The following SLC7A2 variants were observed in gnomAD, a reference collection of about 807,000 sequenced individuals.
SLC7A2 encodes the protein solute carrier family 7 member 2.
A neutral mutation model predicts 58.9 loss-of-function variants in SLC7A2; 48 were observed. The observed-to-expected ratio is 0.82, with a 90% CI of 0.65 to 1.04. SLC7A2 has a LOEUF of 1.04. Ranked by LOEUF, SLC7A2 falls within the 50% of genes least tolerant of loss-of-function variation. SLC7A2 has a pLI of 0.00. For synonymous variants in SLC7A2, 363 were observed against 314.5 expected (o/e 1.15, Z -1.63); for missense variants, 1,029 against 818.8 (o/e 1.26, Z -3.13).
intron 2 of SLC7A2, among the ~76,000 whole-genome samples, chr8:17,534,364 C>G (rs2517248): frequency 0.071 from 10,779 of 152,122 alleles, 506 homozygotes; most frequent in East Asian, 0.26. Context: ...AAGTGATTAC[C>G]CTTTTGTAAG....
At chr8:17,557,684 C>A (rs1802771950) in intron 8 of SLC7A2, among the ~76,000 whole-genome samples, 1 of 138,180 alleles carries the variant, frequency 7.2e-6, no homozygotes, top group African/African-American at 3.5e-5. Flanking sequence ...AAAAATTAGC[C>A]AGGTGTGGTG....
Position 17,548,676 on chromosome 8 carries a change from A to C in SLC7A2, c.533-2A>C. On this transcript the variant is annotated splice_acceptor_variant, in intron 4 of 12. Transcript: ENST00000494857. LOFTEE classifies it high-confidence loss of function. ...AAAAATTGAAATGCCCTTTTTCCAT[A>C]GGTCTTTTGTCTTTTGGAGTAAAAG... 1 of 1,588,388 alleles carries C rather than the reference A, an allele frequency of 6.3e-7. No homozygotes were observed. The highest frequency in any genetic ancestry group is 8.5e-7 in the Non-Finnish European group (1 of 1,170,590).
intron 2 of SLC7A2, among the ~76,000 whole-genome samples, chr8:17,528,852 C>A (rs960503822): frequency 1.3e-5 from 2 of 152,074 alleles, no homozygotes; most frequent in African/African-American, 2.4e-5. Flanking sequence ...AGGAGGAGAG[C>A]TCCATGAAAT....
chr8:17,554,654 A>G lies in SLC7A2; in HGVS notation c.1150A>G (p.Thr384Ala), dbSNP rs760690428. Residue 384 changes from threonine (T) to alanine (A), a missense_variant, in exon 8 of 13, where the codon ACG (threonine) becomes GCG (alanine). Physicochemically the swap from Thr to Ala is moderately conservative, Grantham distance 58 (BLOSUM62 0). Transcript: ENST00000494857. The stretch of plus-strand genomic sequence containing the variant: ...ATGTCTAGCTCAAATCAATTCCAAA[A>G]CGAAGACACCAATAATTGCTACTTT... The part of the protein sequence containing the change: ...FKCLAQINSK[T>A]KTPIIATLSS... 4 of 1,613,438 alleles carry G rather than the reference A, an allele frequency of 2.5e-6. No homozygotes were observed. Among genetic ancestry groups the G allele is most frequent in the Non-Finnish European group, 3.4e-6 (4 of 1,179,900 alleles).
intron 8 of SLC7A2, among the ~76,000 whole-genome samples, chr8:17,555,691 A>G (rs994505749): frequency 6.6e-6 from 1 of 152,144 alleles, no homozygotes; most frequent in South Asian, 2.1e-4. Flanking sequence ...CAACTCCATC[A>G]GGAATCTATT....
At chr8:17,542,732 C>T (rs991076233) in intron 2 of SLC7A2, among the ~76,000 whole-genome samples, 4 of 152,078 alleles carry the variant, frequency 2.6e-5, no homozygotes, top group Non-Finnish European at 5.9e-5. Flanking sequence ...GCAATTCACT[C>T]CTTTCCTTGT....
chr8:17,545,309 T>C (rs994832418), intron 4 of SLC7A2, among the ~76,000 whole-genome samples: 1 of 152,072 alleles, frequency 6.6e-6, no homozygotes, highest in Non-Finnish European at 1.5e-5. Flanking sequence ...GTTTGGTTCC[T>C]AGTAAGCACT....
chr8:17,534,324 G>T (rs1448546004), intron 2 of SLC7A2, among the ~76,000 whole-genome samples: 1 of 152,128 alleles, frequency 6.6e-6, no homozygotes, highest in Non-Finnish European at 1.5e-5. Context: ...AACAACAGTT[G>T]TGGTCATCTT....
At chr8:17,548,361 G>T (rs200185539) in intron 4 of SLC7A2, among the ~76,000 whole-genome samples, 2 of 152,214 alleles carry the variant, frequency 1.3e-5, no homozygotes, top group East Asian at 3.9e-4. Context: ...AAAATAGTTT[G>T]CAACCATTTA....
chr8:17,510,541 G>T (rs1053493540), intron 2 of SLC7A2: 64 of 152,198 alleles, frequency 4.2e-4, no homozygotes, highest in African/African-American at 1.5e-3. Flanking sequence ...GGTGTGATAT[G>T]GTATCTCATT....
At chr8:17,524,075 A>C (rs925051528) in intron 2 of SLC7A2, among the ~76,000 whole-genome samples, 3 of 152,340 alleles carry the variant, frequency 2.0e-5, no homozygotes, top group Admixed American at 1.3e-4. Flanking sequence ...CTCCTGCAAG[A>C]ATGGCCATAA....
intron 9 of SLC7A2, 79 bp from the exon 10 acceptor site, chr8:17,560,249 C>A: frequency 2.9e-6 from 3 of 1,022,874 alleles, no homozygotes; most frequent in Admixed American, 1.8e-5. Context: ...TGATGTCTTA[C>A]TTAAGGTTTT....
chr8:17,542,940 C>A (rs139059640), intron 2 of SLC7A2, among the ~76,000 whole-genome samples: 1 of 151,844 alleles, frequency 6.6e-6, no homozygotes, highest in Non-Finnish European at 1.5e-5. Flanking sequence ...CCAGCCTGGG[C>A]GACAGAGTGA....
chr8:17,547,777 C>T (rs1341141656), intron 4 of SLC7A2, among the ~76,000 whole-genome samples: 1 of 118,836 alleles, frequency 8.4e-6, no homozygotes, highest in African/African-American at 3.0e-5. Context: ...TATTTACTGG[C>T]ACAAAAGAGT....
chr8:17,534,928 T>C (rs1801601374), intron 2 of SLC7A2, among the ~76,000 whole-genome samples: 1 of 152,162 alleles, frequency 6.6e-6, no homozygotes, highest in Non-Finnish European at 1.5e-5. Flanking sequence ...CTAAGCTCTG[T>C]TGTCCACCTG....
chr8:17,530,937 G>C (rs2705083), intron 2 of SLC7A2, among the ~76,000 whole-genome samples: 2 of 151,976 alleles, frequency 1.3e-5, no homozygotes, highest in Non-Finnish European at 2.9e-5. Flanking sequence ...AATTTAATAA[G>C]CATTAATTGT....
rs1279691624 is a variant in SLC7A2 at position 17,569,511 on chromosome 8, G to A, written c.*4365G>A. 1 of 152,154 alleles carries A rather than the reference G, an allele frequency of 6.6e-6. No individual in the cohort carries two copies. The highest frequency in any genetic ancestry group is 1.5e-5 in the Non-Finnish European group (1 of 68,038). The allele number at this position is 152,154 out of a possible 1,614,324, so 9.4% of individuals were successfully genotyped here. Reference sequence around the variant, plus strand: ...TTTAGTCATATAGATATGAAAATAAGTTCATATAGATATGAAATTGCTTGA... The same window carrying A: ...TTTAGTCATATAGATATGAAAATAAATTCATATAGATATGAAATTGCTTGA... On this transcript the variant is annotated 3_prime_UTR_variant, in exon 13 of 13. Transcript: ENST00000494857.
chr8:17,542,093 A>G (rs934888125), intron 2 of SLC7A2, among the ~76,000 whole-genome samples: 2 of 152,238 alleles, frequency 1.3e-5, no homozygotes, highest in Admixed American at 1.3e-4. Flanking sequence ...TACTTAAAGC[A>G]TAGTTGAATA....
intron 2 of SLC7A2, 65 bp from the exon 3 acceptor site, chr8:17,543,253 G>A: frequency 7.0e-7 from 1 of 1,435,560 alleles, no homozygotes; most frequent in African/African-American, 1.4e-5. Flanking sequence ...GTGCCTGGAA[G>A]CTAGGTTACC....
Sources: allele counts gnomAD v4.1 joint callset (sites outside exome capture counted in the v4.1 genomes callset), GRCh38; gene constraint gnomAD v4.1.1; transcripts MANE v1.5; gene names NCBI Gene and HGNC (gene_info 2026-07-23, HGNC 2026-07-21).